Variants in GPCPD1 observed in about 807,000 individuals in gnomAD.
The protein encoded by GPCPD1 is glycerophosphocholine phosphodiesterase 1, also known as glycerophosphocholine phosphodiesterase GPCPD1.
GPCPD1 carries 29 observed loss-of-function variants against 89.2 expected under a neutral mutation model. That is an observed-to-expected ratio of 0.33 (90% CI 0.24 to 0.44). GPCPD1 has a LOEUF of 0.44. Ranked by LOEUF, GPCPD1 falls within the 20% of genes least tolerant of loss-of-function variation. The pLI, the probability that GPCPD1 is intolerant of heterozygous loss-of-function variation, is 1.00. For missense variants in GPCPD1, 594 were observed against 808.9 expected, an observed-to-expected ratio of 0.73 and a Z score of 3.22; for synonymous variants, 258 against 266.3, an observed-to-expected ratio of 0.97 and a Z score of 0.30.
chr20:5,568,940 A>G (rs1986553642), intron 12 of GPCPD1, among the ~76,000 whole-genome samples: 1 of 152,120 alleles, frequency 6.6e-6, no homozygotes, highest in Admixed American at 6.6e-5. Context: ...CAGCTAGATC[A>G]ATTAATCTCA....
chr20:5,608,506 T>C (rs1402135039), intron 1 of GPCPD1, among the ~76,000 whole-genome samples: 1 of 152,096 alleles, frequency 6.6e-6, no homozygotes, highest in Non-Finnish European at 1.5e-5. Context: ...AGTGTTGTAG[T>C]ATACAATTTT....
At chr20:5,573,892 A>T in intron 11 of GPCPD1, 23 bp downstream of exon 11, 1 of 1,256,002 alleles carries the variant, frequency 8.0e-7, no homozygotes. Context: ...TCAGCAGTCT[A>T]AAGTTGTTTA....
At position 5,564,988 on chromosome 20, in the gene GPCPD1, C is replaced by G. The variant is rs768975629; in HGVS notation, c.1329+29G>C. 29 of 1,089,498 alleles carry G rather than the reference C, an allele frequency of 2.7e-5. 1 individual carries two copies. In the South Asian group the frequency reaches 3.3e-4, roughly 13 times the overall value. 67.5% of individuals were successfully genotyped at this position (1,089,498 alleles called of 1,614,324 possible). ...TCATACATGACAAAGTTAATGATAG[C>G]CTTGCCTTGGTTTTCCTCAATAACT... is the stretch of plus-strand genomic sequence containing the variant. On this transcript the variant is annotated intron_variant, in intron 15 of 19. Coordinates refer to ENST00000379019, the MANE Select transcript of GPCPD1 (RefSeq NM_019593.5).
intron 14 of GPCPD1, 90 bp from the exon 15 acceptor site, chr20:5,565,168 GAA>G (rs1986318194): frequency 2.7e-6 from 2 of 742,126 alleles, no homozygotes; most frequent in Non-Finnish European, 4.9e-6. Context: ...AAAAAACAGG[GAA>G]AGAGAGAGAG....
intron 3 of GPCPD1, among the ~76,000 whole-genome samples, chr20:5,598,234 A>G (rs895918125): frequency 6.6e-6 from 1 of 152,004 alleles, no homozygotes; most frequent in Non-Finnish European, 1.5e-5. Context: ...CACCAAAAAC[A>G]AAAAACAAAA....
chr20:5,554,573 G>C (rs962972000), intron 19 of GPCPD1, among the ~76,000 whole-genome samples: 2 of 152,272 alleles, frequency 1.3e-5, no homozygotes, highest in Non-Finnish European at 1.5e-5. Context: ...ATGGTTTACT[G>C]AATATTTTAA....
At chr20:5,590,145 A>G (rs763194846) in intron 4 of GPCPD1, among the ~76,000 whole-genome samples, 5 of 152,232 alleles carry the variant, frequency 3.3e-5, no homozygotes, top group Non-Finnish European at 5.9e-5. Context: ...ATTATTAGCT[A>G]GCCATGTAAT....
chr20:5,595,449 T>C (rs1314796986), intron 3 of GPCPD1, among the ~76,000 whole-genome samples: 1 of 152,026 alleles, frequency 6.6e-6, no homozygotes, highest in East Asian at 1.9e-4. Flanking sequence ...AAGACCAGCC[T>C]GACCAACATT....
intron 15 of GPCPD1, among the ~76,000 whole-genome samples, chr20:5,564,750 A>C (rs929532841): frequency 2.0e-5 from 3 of 152,136 alleles, no homozygotes; most frequent in Non-Finnish European, 2.9e-5. Context: ...GTGAGGTGGG[A>C]GGATCGCTTG....
intron 7 of GPCPD1, among the ~76,000 whole-genome samples, chr20:5,579,348 CCATTAT>C (rs1978320349): frequency 6.6e-6 from 1 of 152,036 alleles, no homozygotes; most frequent in African/African-American, 2.4e-5. Flanking sequence ...ACAATCATTT[CCATTAT>C]ATCAATTTTT....
rs1444466242 is a variant in GPCPD1, at chr20:5,590,560, T to G, written c.231+2767A>C. Among the ~76,000 whole-genome samples the G allele has an allele frequency of 8.0e-5, 5 of 62,750 alleles. No homozygotes were observed. The East Asian group carries it at 2.6e-3, about 32-fold the overall frequency. 41.2% of individuals were successfully genotyped at this position (62,750 alleles called of 152,430 possible). A position where few individuals can be genotyped will look rare whatever the true frequency, so the allele number is the denominator to read the frequency against. On this transcript the variant is annotated intron_variant, in intron 4 of 19. Transcript: ENST00000379019. The stretch of plus-strand genomic sequence containing the variant: ...TCTGTCTCAAAAAAAAAAATCTCTA[T>G]TTTTAGTACAACCAGTAAAAGAAAC...
intron 4 of GPCPD1, 116 bp from the exon 5 acceptor site, chr20:5,586,385 T>C (rs1978922546): frequency 3.3e-6 from 2 of 613,346 alleles, no homozygotes; most frequent in South Asian, 2.0e-5. Context: ...AAAAGATTCA[T>C]CTTATTATCA....
Position 5,563,241 on chromosome 20 carries a change from A to G in GPCPD1, c.1330-1711T>C, listed in dbSNP as rs1356779405. On this transcript the variant is annotated intron_variant, in intron 15 of 19. Transcript: ENST00000379019. ...TGATCCACCTGCCTCGGCCTCCCAA[A>G]GTGCTGGGATTACAGGCGTAAGCCA... Among the ~76,000 whole-genome samples, 22 of 152,246 alleles carry G rather than the reference A, an allele frequency of 1.4e-4. No individual in the cohort carries two copies. The East Asian group carries it at 4.2e-3, about 29-fold the overall frequency.
chr20:5,567,577 A>T lies in GPCPD1; in HGVS notation c.1150-17T>A. 7.3e-7 allele frequency: 1 copy of T among 1,365,124 alleles called. No individual in the cohort carries two copies. The highest frequency in any genetic ancestry group is 9.9e-7 in the Non-Finnish European group (1 of 1,005,936). 84.6% of individuals were successfully genotyped at this position (1,365,124 alleles called of 1,614,324 possible). On this transcript the variant is annotated splice_polypyrimidine_tract_variant and intron_variant, in intron 12 of 19. Coordinates refer to ENST00000379019, the MANE Select transcript of GPCPD1 (RefSeq NM_019593.5). ...ATCAAATTTCTAAAAAAAAAAAAAA[A>T]AGAAAGAAAGAAAAAGAAAGAATAA...
At chr20:5,597,585 T>G (rs1376712934) in intron 3 of GPCPD1, among the ~76,000 whole-genome samples, 1 of 152,198 alleles carries the variant, frequency 6.6e-6, no homozygotes, top group Middle Eastern at 3.2e-3. Flanking sequence ...TACAGGAAAA[T>G]AGAGCCTTAG....
chr20:5,545,898 G>C lies in GPCPD1; in HGVS notation c.*1763C>G, dbSNP rs1157665048. Reference sequence around the variant, plus strand: ...TATGATCTGCTTCCCCTCTGTCCTTGAGTCTTCAAAATGGAGCCAGCACTG... The same window carrying C: ...TATGATCTGCTTCCCCTCTGTCCTTCAGTCTTCAAAATGGAGCCAGCACTG... On this transcript the variant is annotated 3_prime_UTR_variant, in exon 20 of 20. Coordinates refer to ENST00000379019, the MANE Select transcript of GPCPD1 (RefSeq NM_019593.5). The C allele has an allele frequency of 6.6e-6, 1 of 152,168 alleles. No individual in the cohort carries two copies. Among genetic ancestry groups the C allele is most frequent in the Non-Finnish European group, 1.5e-5 (1 of 68,070 alleles). 9.4% of individuals were successfully genotyped at this position (152,168 alleles called of 1,614,324 possible). A position where few individuals can be genotyped will look rare whatever the true frequency, so the allele number is the denominator to read the frequency against.
intron 2 of GPCPD1, among the ~76,000 whole-genome samples, chr20:5,603,339 A>G (rs908316054): frequency 5.9e-5 from 9 of 152,192 alleles, no homozygotes; most frequent in Admixed American, 2.6e-4. Context: ...TGTCACTCAA[A>G]TAATTCTATA....
In GPCPD1 at chr20:5,567,592, A is replaced by C. The variant is rs1234441309; in HGVS notation, c.1150-32T>G. On this transcript the variant is annotated intron_variant, in intron 12 of 19. Coordinates refer to ENST00000379019, the MANE Select transcript of GPCPD1 (RefSeq NM_019593.5). ...AAAAAAAAAAAAGAAAGAAAGAAAA[A>C]GAAAGAATAAAGAAAATTAAGAGAA... is the stretch of plus-strand genomic sequence containing the variant. 4.6e-6 allele frequency: 7 copies of C among 1,522,772 alleles called. No individual in the cohort carries two copies. In the Admixed American group the frequency reaches 9.0e-5, roughly 20 times the overall value. The allele number at this position is 1,522,772 out of a possible 1,614,324, so 94.3% of individuals were successfully genotyped here.
intron 3 of GPCPD1, among the ~76,000 whole-genome samples, chr20:5,596,053 A>G (rs1979701147): frequency 6.6e-6 from 1 of 152,180 alleles, no homozygotes; most frequent in South Asian, 2.1e-4. Context: ...ACAAGAGATG[A>G]AGAAGGCAAA....
Sources: gnomAD v4.1 joint callset for allele counts (sites outside exome capture counted in the v4.1 genomes callset) on GRCh38, gnomAD v4.1.1 for gene constraint, MANE v1.5 for transcripts, NCBI Gene and HGNC (gene_info 2026-07-23, HGNC 2026-07-21) for gene names.